The following ZBTB16 variants were observed in gnomAD, a reference collection of about 807,000 sequenced individuals.
ZBTB16 encodes zinc finger and BTB domain-containing protein 16.
ZBTB16 carries 8 observed loss-of-function variants against 56.8 expected under a neutral mutation model. The observed-to-expected ratio is 0.14, with a 90% confidence interval of 0.08 to 0.25. The LOEUF (loss-of-function observed/expected upper bound fraction) is 0.25, where lower values mean the gene tolerates loss of function less well. Ranked by LOEUF, ZBTB16 falls within the 10% of genes least tolerant of loss-of-function variation. The pLI, the probability that ZBTB16 is intolerant of heterozygous loss-of-function variation, is 1.00. For synonymous variants in ZBTB16, 363 were observed against 368.5 expected (o/e 0.98, Z 0.17); for missense variants, 625 against 903.0 (o/e 0.69, Z 3.95).
At chr11:114,144,077 T>C (rs1447695182) in intron 2 of ZBTB16, among the ~76,000 whole-genome samples, 1 of 152,114 alleles carries the variant, frequency 6.6e-6, no homozygotes, top group East Asian at 1.9e-4. Context: ...ATTTTTCCTT[T>C]TATCTCCATG....
intron 4 of ZBTB16, among the ~76,000 whole-genome samples, chr11:114,221,876 G>A (rs999662295): frequency 2.0e-5 from 3 of 152,204 alleles, no homozygotes; most frequent in African/African-American, 7.2e-5. Flanking sequence ...AAGGGGAATA[G>A]GATGAGTGAA....
At chr11:114,174,004 G>A (rs539338336) in intron 3 of ZBTB16, among the ~76,000 whole-genome samples, 1 of 152,154 alleles carries the variant, frequency 6.6e-6, no homozygotes, top group African/African-American at 2.4e-5. Flanking sequence ...TCGTTTGTAC[G>A]TTTTCCTTCC....
intron 2 of ZBTB16, among the ~76,000 whole-genome samples, chr11:114,131,334 C>G: frequency 6.6e-6 from 1 of 152,212 alleles, no homozygotes; most frequent in Admixed American, 6.5e-5. Context: ...GCCAATAGTG[C>G]TGAGGCTGAG....
intron 3 of ZBTB16, among the ~76,000 whole-genome samples, chr11:114,181,656 G>T (rs942636384): frequency 6.6e-6 from 1 of 152,272 alleles, no homozygotes; most frequent in Middle Eastern, 3.4e-3. Context: ...GATGACTAGT[G>T]TGATGCCCAC....
chr11:114,234,785 T>C (rs1944528337), intron 4 of ZBTB16, among the ~76,000 whole-genome samples: 1 of 152,192 alleles, frequency 6.6e-6, no homozygotes, highest in African/African-American at 2.4e-5. Flanking sequence ...CTTCCTTCCT[T>C]GGGTGGGAGT....
At position 114,060,018 on chromosome 11, in the gene ZBTB16, G is replaced by A. The variant is rs1009586786; in HGVS notation, c.-91+136G>A. ...TGGGCTTGTGCCTTTTTTATTTGGC[G>A]TGTTCCCTTCCTGCCGCTGCAGCCG... On this transcript the variant is annotated intron_variant, in intron 1 of 6. Coordinates refer to ENST00000335953, the MANE Select transcript of ZBTB16 (RefSeq NM_006006.6). This position sits in a 1 kb window ranked among gnomAD's most constrained non-coding sequence, Gnocchi z 6.0. The A allele has an allele frequency of 4.1e-5, 16 of 386,012 alleles. No individual in the cohort carries two copies. Among genetic ancestry groups the A allele is most frequent in the African/African-American group, 3.1e-4 (15 of 48,202 alleles). 23.9% of individuals were successfully genotyped at this position (386,012 alleles called of 1,614,324 possible).
intron 2 of ZBTB16, among the ~76,000 whole-genome samples, chr11:114,098,215 A>G (rs1256868505): frequency 6.6e-6 from 1 of 152,202 alleles, no homozygotes; most frequent in Non-Finnish European, 1.5e-5. Context: ...CAAGATGAAA[A>G]TATAAGTTCT....
chr11:114,142,752 G>A (rs769003845), intron 2 of ZBTB16, among the ~76,000 whole-genome samples: 7 of 142,996 alleles, frequency 4.9e-5, no homozygotes, highest in South Asian at 2.4e-4. Context: ...AGGAGCATGG[G>A]GCCTTGGGGA....
intron 4 of ZBTB16, among the ~76,000 whole-genome samples, chr11:114,190,699 C>T (rs1262933691): frequency 6.6e-6 from 1 of 151,694 alleles, no homozygotes; most frequent in Non-Finnish European, 1.5e-5. Context: ...CAGTAAGAGT[C>T]ACTGGCATCA....
At chr11:114,110,386 G>T (rs1003181816) in intron 2 of ZBTB16, among the ~76,000 whole-genome samples, 2 of 152,188 alleles carry the variant, frequency 1.3e-5, no homozygotes, top group Admixed American at 6.5e-5. Flanking sequence ...TTTCGTAGGG[G>T]AATCTAGAAA....
chr11:114,169,646 G>A (rs1324075221), intron 3 of ZBTB16, among the ~76,000 whole-genome samples: 1 of 152,196 alleles, frequency 6.6e-6, no homozygotes, highest in African/African-American at 2.4e-5. Flanking sequence ...GCAAGAAGCT[G>A]GTGGTCTGGC....
chr11:114,097,261 G>A (rs892093274), intron 2 of ZBTB16, among the ~76,000 whole-genome samples: 10 of 152,176 alleles, frequency 6.6e-5, no homozygotes, highest in African/African-American at 1.7e-4. Flanking sequence ...AAGCAAATTT[G>A]TAGAAACACG....
intron 2 of ZBTB16, among the ~76,000 whole-genome samples, chr11:114,121,389 G>A (rs560778440): frequency 6.6e-6 from 1 of 152,272 alleles, no homozygotes; most frequent in South Asian, 2.1e-4. Flanking sequence ...AGTGGAAGTT[G>A]AATCCTTGGT....
chr11:114,122,461 CT>C (rs1221186901), intron 2 of ZBTB16, among the ~76,000 whole-genome samples: 3 of 124,832 alleles, frequency 2.4e-5, no homozygotes, highest in East Asian at 2.4e-4. Flanking sequence ...TTACATAGGG[CT>C]TTTTTTGGTG....
At chr11:114,240,648 C>G (rs913086340) in intron 4 of ZBTB16, among the ~76,000 whole-genome samples, 2 of 152,186 alleles carry the variant, frequency 1.3e-5, no homozygotes, top group African/African-American at 4.8e-5. Flanking sequence ...AGGGTGGGCA[C>G]TGAGCTGCCA....
At chr11:114,194,641 A>G (rs1008421492) in intron 4 of ZBTB16, among the ~76,000 whole-genome samples, 3 of 152,252 alleles carry the variant, frequency 2.0e-5, no homozygotes, top group African/African-American at 7.2e-5. Flanking sequence ...ATTAACAGCT[A>G]GGCAGTTCCC....
intron 3 of ZBTB16, among the ~76,000 whole-genome samples, chr11:114,158,508 C>G (rs1349535807): frequency 2.0e-5 from 3 of 152,192 alleles, no homozygotes; most frequent in Non-Finnish European, 4.4e-5. Flanking sequence ...GCAGTCGTGC[C>G]TTTTCTGTGC....
At chr11:114,096,551 TG>T (rs1442670872) in intron 2 of ZBTB16, among the ~76,000 whole-genome samples, 1 of 152,296 alleles carries the variant, frequency 6.6e-6, no homozygotes, top group East Asian at 1.9e-4. Flanking sequence ...CATATGCCTA[TG>T]TTTTTTTAAA....
chr11:114,117,222 G>GA (rs1034304935), intron 2 of ZBTB16, among the ~76,000 whole-genome samples: 60 of 152,134 alleles, frequency 3.9e-4, no homozygotes, highest in African/African-American at 1.4e-3. Context: ...GGTTGGTAGA[G>GA]ATAGTAGCTG....
Sources: gnomAD v4.1 joint callset for allele counts (sites outside exome capture counted in the v4.1 genomes callset) on GRCh38, gnomAD v4.1.1 for gene constraint, Gnocchi (gnomAD v3.1) non-coding constraint, MANE v1.5 for transcripts, NCBI Gene and HGNC (gene_info 2026-07-23, HGNC 2026-07-21) for gene names.